RAD51B: variants seen among roughly 807,000 people sequenced by gnomAD.
RAD51B encodes the protein RAD51 paralog B, also known as DNA repair protein RAD51 homolog 2.
Under a neutral mutation model 42.2 loss-of-function variants are expected in RAD51B, and 38 were observed. The ratio of observed to expected loss-of-function variants is 0.90; its 90% CI spans 0.70 to 1.18. RAD51B has a LOEUF of 1.18. RAD51B is among the 50% of genes most tolerant of loss of function. The pLI is 0.00. For missense variants in RAD51B, 373 were observed against 400.7 expected, an observed-to-expected ratio of 0.93 and a Z score of 0.59; for synonymous variants, 154 against 145.2, an observed-to-expected ratio of 1.06 and a Z score of -0.43.
chr14:68,478,531 T>C (rs1431271287), downstream of RAD51B, among the ~76,000 whole-genome samples: 1 of 152,238 alleles, frequency 6.6e-6, no homozygotes, highest in African/African-American at 2.4e-5. Context: ...CCTACTGCCA[T>C]GAGGCTCTGA....
At chr14:68,068,403 T>C (rs887254920) in intron 7 of RAD51B, among the ~76,000 whole-genome samples, 9 of 152,226 alleles carry the variant, frequency 5.9e-5, no homozygotes, top group African/African-American at 2.2e-4. Flanking sequence ...CTTTTCTCTT[T>C]GTAGAATGTT....
chr14:68,316,228 A>G (rs1227480045), intron 8 of RAD51B, among the ~76,000 whole-genome samples: 1 of 152,164 alleles, frequency 6.6e-6, no homozygotes. Context: ...CATTTCACCT[A>G]CCCAAGGGAG....
At chr14:68,118,785 G>A (rs186770867) in intron 7 of RAD51B, among the ~76,000 whole-genome samples, 1 of 152,012 alleles carries the variant, frequency 6.6e-6, no homozygotes, top group Non-Finnish European at 1.5e-5. Flanking sequence ...TGTGTGTTGT[G>A]TGCATGTGTA....
chr14:68,320,584 C>T lies in RAD51B; in HGVS notation c.853+28604C>T, dbSNP rs1479534891. On this transcript the variant is annotated intron_variant, in intron 8 of 10. Transcript: ENST00000471583. ...CAAGGGGCCTTGCCCCTCTCTTCCT[C>T]CTCCCTGCTTTCCTCTTTGTTAAGA... Among the ~76,000 whole-genome samples the T allele has an allele frequency of 3.3e-5, 5 of 152,240 alleles. No homozygotes were observed. The East Asian group carries it at 9.6e-4, about 29-fold the overall frequency.
At chr14:68,529,289 T>G (rs1466251121) in intron 10 of RAD51B, among the ~76,000 whole-genome samples, 8 of 152,180 alleles carry the variant, frequency 5.3e-5, no homozygotes, top group African/African-American at 1.9e-4. Flanking sequence ...TTCCTCCTCC[T>G]AGGTTCAGGC....
intron 7 of RAD51B, among the ~76,000 whole-genome samples, chr14:68,233,064 TG>T (rs1172396184): frequency 6.6e-6 from 1 of 151,894 alleles, no homozygotes; most frequent in African/African-American, 2.4e-5. Context: ...TTCATGTGTT[TG>T]AAGCAGAATA....
chr14:68,673,459 G>GCA (rs1893205089), intron 11 of RAD51B, among the ~76,000 whole-genome samples: 1 of 148,172 alleles, frequency 6.7e-6, no homozygotes, highest in Non-Finnish European at 1.5e-5. Flanking sequence ...CATACTGTAT[G>GCA]CACACATATA....
chr14:68,423,349 G>T (rs1208217016), intron 9 of RAD51B, among the ~76,000 whole-genome samples: 1 of 152,172 alleles, frequency 6.6e-6, no homozygotes, highest in African/African-American at 2.4e-5. Context: ...CTCTCTGGTT[G>T]CTATGCTGAG....
At position 68,195,923 on chromosome 14, in the gene RAD51B, AAAC is replaced by A. The variant is rs1566720770; in HGVS notation, c.757-95955_757-95953del. Among the ~76,000 whole-genome samples the A allele has an allele frequency of 1.4e-4, 19 of 135,418 alleles. 3 individuals are homozygous for A. Among genetic ancestry groups the A allele is most frequent in the Admixed American group, 3.8e-4 (5 of 13,050 alleles). The allele number at this position is 135,418 out of a possible 152,430, so 88.8% of individuals were successfully genotyped here. ...AGCTCTGTTTCAAAAAAAAAAAAAA[AAAC>A]AACAATTAGGGGCCAGGTGCAATGG... On this transcript the variant is annotated intron_variant, in intron 7 of 10. Transcript: ENST00000471583.
At chr14:68,068,608 T>G (rs1161629443) in intron 7 of RAD51B, among the ~76,000 whole-genome samples, 1 of 152,220 alleles carries the variant, frequency 6.6e-6, no homozygotes, top group African/African-American at 2.4e-5. Flanking sequence ...TGGACATGTT[T>G]TCAATTCTCT....
chr14:68,508,402 G>A (rs907519783), intron 10 of RAD51B, among the ~76,000 whole-genome samples: 2 of 152,162 alleles, frequency 1.3e-5, no homozygotes, highest in African/African-American at 4.8e-5. Context: ...GACAGCAATG[G>A]AAATAGAGAC....
At chr14:68,334,067 A>C (rs2082399998) in intron 8 of RAD51B, among the ~76,000 whole-genome samples, 1 of 152,030 alleles carries the variant, frequency 6.6e-6, no homozygotes, top group Non-Finnish European at 1.5e-5. Flanking sequence ...ATTTAACATA[A>C]TGTCTTCCAG....
chr14:68,562,343 C>G, intron 10 of RAD51B: 1 of 985,394 alleles, frequency 1.0e-6, no homozygotes, highest in Non-Finnish European at 1.2e-6. Flanking sequence ...CAGGGTGAGA[C>G]AGGGAGTTTA....
chr14:68,315,443 A>C (rs2082037616), intron 8 of RAD51B, among the ~76,000 whole-genome samples: 1 of 152,210 alleles, frequency 6.6e-6, no homozygotes, highest in Non-Finnish European at 1.5e-5. Context: ...CAACATCATC[A>C]TCATTTTAGT....
chr14:68,039,152 C>T (rs553768671), intron 7 of RAD51B, among the ~76,000 whole-genome samples: 117 of 151,946 alleles, frequency 7.7e-4, no homozygotes, highest in Non-Finnish European at 1.1e-3. Context: ...TATATCTGGC[C>T]GGGTGCGGTG....
At chr14:67,990,356 C>T (rs2075274498) in intron 7 of RAD51B, among the ~76,000 whole-genome samples, 1 of 152,140 alleles carries the variant, frequency 6.6e-6, no homozygotes, top group Non-Finnish European at 1.5e-5. Flanking sequence ...AAAAACAAAC[C>T]AACAAAATTC....
chr14:68,618,736 C>T (rs954750888), intron 10 of RAD51B, among the ~76,000 whole-genome samples: 1 of 152,170 alleles, frequency 6.6e-6, no homozygotes, highest in African/African-American at 2.4e-5. Flanking sequence ...TTGCCCTTAG[C>T]CTAGCCCTGA....
intron 9 of RAD51B, among the ~76,000 whole-genome samples, chr14:68,437,696 G>A (rs1021891661): frequency 7.2e-5 from 11 of 152,256 alleles, no homozygotes; most frequent in Non-Finnish European, 1.6e-4. Flanking sequence ...TCTATGAAGA[G>A]CCATAGTAGT....
At chr14:68,364,832 TTATTTTTATTGC>T (rs1432326119) in intron 8 of RAD51B, among the ~76,000 whole-genome samples, 3 of 152,222 alleles carry the variant, frequency 2.0e-5, no homozygotes, top group Non-Finnish European at 4.4e-5. Context: ...GGGTTTAATT[TTATTTTTATTGC>T]TGCTTTGAGA....
Sources: allele counts gnomAD v4.1 joint callset (sites outside exome capture counted in the v4.1 genomes callset), GRCh38; gene constraint gnomAD v4.1.1; transcripts MANE v1.5; gene names NCBI Gene and HGNC (gene_info 2026-07-23, HGNC 2026-07-21).